FARS2: variants seen among roughly 807,000 people sequenced by gnomAD.
The protein encoded by FARS2 is phenylalanyl-tRNA synthetase 2, mitochondrial, also known as phenylalanine--tRNA ligase, mitochondrial.
FARS2 carries 40 observed loss-of-function variants against 46.4 expected under a neutral mutation model. That is an observed-to-expected ratio of 0.86 (90% CI 0.67 to 1.12). The LOEUF is 1.12. Ranked by LOEUF, FARS2 falls within the 50% of genes most tolerant of loss-of-function variation. FARS2 has a pLI of 0.00. For synonymous variants in FARS2, 234 were observed against 214.9 expected (o/e 1.09, Z -0.78); for missense variants, 513 against 567.9 (o/e 0.90, Z 0.98).
At chr6:5,294,299 A>T (rs189033255) in intron 1 of FARS2, among the ~76,000 whole-genome samples, 1 of 152,146 alleles carries the variant, frequency 6.6e-6, no homozygotes, top group Non-Finnish European at 1.5e-5. Context: ...AAGGGAAAAG[A>T]GGAGTAGAGG....
intron 2 of FARS2, among the ~76,000 whole-genome samples, chr6:5,403,583 C>T (rs568938869): frequency 3.8e-4 from 58 of 152,156 alleles, no homozygotes; most frequent in Admixed American, 5.9e-4. Flanking sequence ...CTCTCTATCT[C>T]GGTTTTACTT....
Position 5,325,716 on chromosome 6 carries a change from G to T in FARS2, c.-21-42834G>T, listed in dbSNP as rs149959120. ...ATCCTTTTTGATGAAAATTTTAAAT[G>T]ATTTTTTTCTATTATTAAGTTTCAT... On this transcript the variant is annotated intron_variant, in intron 1 of 6. Coordinates refer to ENST00000274680, the MANE Select transcript of FARS2 (RefSeq NM_006567.5). Among the ~76,000 whole-genome samples, 363 of 152,198 alleles carry T rather than the reference G, an allele frequency of 2.4e-3. 1 individual carries two copies. Among genetic ancestry groups the T allele is most frequent in the East Asian group, 0.016 (82 of 5,188 alleles).
chr6:5,500,300 G>A (rs1267570068), intron 4 of FARS2, among the ~76,000 whole-genome samples: 1 of 152,178 alleles, frequency 6.6e-6, no homozygotes, highest in African/African-American at 2.4e-5. Flanking sequence ...AGCTTCTTGA[G>A]AAAAGGCTGC....
chr6:5,515,898 A>C (rs1304686144), intron 4 of FARS2, among the ~76,000 whole-genome samples: 1 of 152,256 alleles, frequency 6.6e-6, no homozygotes, highest in Non-Finnish European at 1.5e-5. Flanking sequence ...ATATCATATT[A>C]ATTACATTTG....
At chr6:5,263,070 T>A (rs1347417486) in intron 1 of FARS2, among the ~76,000 whole-genome samples, 8 of 152,318 alleles carry the variant, frequency 5.3e-5, no homozygotes, top group African/African-American at 1.7e-4. Flanking sequence ...GCTATCAGAG[T>A]GAAAAGGAAA....
intron 5 of FARS2, among the ~76,000 whole-genome samples, chr6:5,551,675 G>A (rs1344850790): frequency 6.6e-6 from 1 of 152,184 alleles, no homozygotes; most frequent in South Asian, 2.1e-4. Context: ...CAGAAATCCA[G>A]AATCAGCCTG....
intron 1 of FARS2, among the ~76,000 whole-genome samples, chr6:5,312,814 T>C (rs955597940): frequency 6.6e-6 from 1 of 152,018 alleles, no homozygotes; most frequent in Non-Finnish European, 1.5e-5. Context: ...GACACAGCCC[T>C]TTTTTTTAGG....
intron 5 of FARS2, among the ~76,000 whole-genome samples, chr6:5,596,294 C>T (rs898895334): frequency 6.6e-6 from 1 of 152,212 alleles, no homozygotes; most frequent in Non-Finnish European, 1.5e-5. Context: ...TCCTCTCGCT[C>T]ATTAACCGTG....
chr6:5,499,423 A>T (rs1767663872), intron 4 of FARS2, among the ~76,000 whole-genome samples: 1 of 152,176 alleles, frequency 6.6e-6, no homozygotes, highest in Admixed American at 6.5e-5. Context: ...GAATTAGGGC[A>T]ATGCAATGAA....
intron 3 of FARS2, among the ~76,000 whole-genome samples, chr6:5,408,435 AG>A (rs1307164418): frequency 6.6e-6 from 1 of 152,222 alleles, no homozygotes; most frequent in African/African-American, 2.4e-5. Flanking sequence ...AAAGAAGGAA[AG>A]AAGAGGCAAG....
intron 4 of FARS2, among the ~76,000 whole-genome samples, chr6:5,544,735 G>A (rs1001026866): frequency 3.9e-5 from 6 of 152,138 alleles, no homozygotes; most frequent in South Asian, 2.1e-4. Context: ...ATGTAAGTTC[G>A]TTCTAAACAT....
intron 6 of FARS2, among the ~76,000 whole-genome samples, chr6:5,763,152 C>T (rs1018574188): frequency 6.6e-6 from 1 of 152,212 alleles, no homozygotes; most frequent in Non-Finnish European, 1.5e-5. Flanking sequence ...TGCTTCCCTC[C>T]GGCTCCCATC....
intron 4 of FARS2, among the ~76,000 whole-genome samples, chr6:5,467,353 C>A (rs1474361227): frequency 6.6e-6 from 1 of 151,314 alleles, no homozygotes; most frequent in Non-Finnish European, 1.5e-5. Context: ...GGGGCCATTT[C>A]ATTTCTAAGG....
intron 1 of FARS2, among the ~76,000 whole-genome samples, chr6:5,362,530 G>T (rs182601190): frequency 6.6e-6 from 1 of 152,204 alleles, no homozygotes; most frequent in African/African-American, 2.4e-5. Context: ...GAATAATGCT[G>T]CAGTGAACAA....
At chr6:5,520,936 A>G (rs1398650230) in intron 4 of FARS2, among the ~76,000 whole-genome samples, 1 of 152,060 alleles carries the variant, frequency 6.6e-6, no homozygotes, top group Non-Finnish European at 1.5e-5. Context: ...TTTGGATGCT[A>G]CCCCCAAAAG....
At chr6:5,682,059 A>C (rs1157626311) in intron 6 of FARS2, among the ~76,000 whole-genome samples, 7 of 152,212 alleles carry the variant, frequency 4.6e-5, no homozygotes, top group Non-Finnish European at 8.8e-5. Flanking sequence ...CTCTACCTCC[A>C]TTTGTTTAGC....
intron 6 of FARS2, among the ~76,000 whole-genome samples, chr6:5,669,657 T>C (rs1269687133): frequency 6.6e-6 from 1 of 152,154 alleles, no homozygotes; most frequent in Non-Finnish European, 1.5e-5. Context: ...TTCTGTGGTA[T>C]TATAGGCCCA....
chr6:5,612,367 T>C (rs887960691), intron 5 of FARS2, among the ~76,000 whole-genome samples: 8 of 152,348 alleles, frequency 5.3e-5, no homozygotes, highest in African/African-American at 1.2e-4. Flanking sequence ...TTCATAGTTA[T>C]GTAACAAAAC....
intron 5 of FARS2, among the ~76,000 whole-genome samples, chr6:5,603,966 C>T (rs9504450): frequency 0.28 from 42,411 of 151,946 alleles, 6,682 homozygotes; most frequent in African/African-American, 0.42. Context: ...TCTATGGTAC[C>T]ATTCCAAGGA....
Sources: allele counts gnomAD v4.1 joint callset (sites outside exome capture counted in the v4.1 genomes callset), GRCh38; gene constraint gnomAD v4.1.1; transcripts MANE v1.5; gene names NCBI Gene and HGNC (gene_info 2026-07-23, HGNC 2026-07-21).